MEIS2: variants seen among roughly 807,000 people sequenced by gnomAD.
MEIS2 encodes homeobox protein Meis2.
A neutral mutation model predicts 58.6 loss-of-function variants in MEIS2; 9 were observed. That is an observed-to-expected ratio of 0.15 (90% CI 0.09 to 0.27). The LOEUF is 0.27. MEIS2 is among the 10% of genes least tolerant of loss of function. The pLI is 1.00. For synonymous variants in MEIS2, 221 were observed against 228.4 expected (o/e 0.97, Z 0.29); for missense variants, 427 against 635.0 (o/e 0.67, Z 3.52).
intron 9 of MEIS2, chr15:36,897,568 G>C (rs1009814389): frequency 6.6e-6 from 1 of 152,126 alleles, no homozygotes; most frequent in African/African-American, 2.4e-5. Context: ...TACAAACAGA[G>C]TAAGATGATA....
intron 9 of MEIS2, among the ~76,000 whole-genome samples, chr15:36,912,049 C>T (rs1474018789): frequency 7.6e-6 from 1 of 131,212 alleles, no homozygotes; most frequent in Non-Finnish European, 1.8e-5. Context: ...CTATATAAGC[C>T]CTAGGGGGGA....
intron 4 of MEIS2, 131 bp from the exon 5 acceptor site, chr15:37,094,708 A>C (rs1423636098): frequency 1.5e-6 from 1 of 654,278 alleles, no homozygotes; most frequent in Non-Finnish European, 2.7e-6. Context: ...TGGCCAGGAA[A>C]AACTTAAACA....
At chr15:36,983,810 T>A (rs1171160787) in intron 8 of MEIS2, among the ~76,000 whole-genome samples, 1 of 152,120 alleles carries the variant, frequency 6.6e-6, no homozygotes, top group Non-Finnish European at 1.5e-5. Flanking sequence ...TGTGATTTTG[T>A]CAACTTCTTT....
intron 8 of MEIS2, among the ~76,000 whole-genome samples, chr15:37,016,793 A>C (rs1484428947): frequency 2.6e-4 from 39 of 152,214 alleles, no homozygotes; most frequent in Admixed American, 2.6e-3. Context: ...GGTGTCCCCC[A>C]AAATAACTAG....
chr15:36,989,145 T>C lies in MEIS2; in HGVS notation c.901-38745A>G, dbSNP rs181250321. On this transcript the variant is annotated intron_variant, in intron 8 of 11. Transcript: ENST00000561208. The stretch of plus-strand genomic sequence containing the variant: ...ACATTTCCTTCATTTGCTGACTCAT[T>C]AACCATCAGAAAACATGCTAAACAC... Among the ~76,000 whole-genome samples the C allele has an allele frequency of 1.1e-4, 16 of 152,322 alleles. No individual in the cohort carries two copies. The East Asian group carries it at 3.1e-3, about 29-fold the overall frequency.
At chr15:37,095,115 C>A (rs1426127156) in intron 4 of MEIS2, 1 of 182,824 alleles carries the variant, frequency 5.5e-6, no homozygotes, top group African/African-American at 2.3e-5. Context: ...TGCAAATTAG[C>A]AAAAGAATCG....
intron 10 of MEIS2, among the ~76,000 whole-genome samples, chr15:36,896,424 T>C (rs1312363298): frequency 3.3e-5 from 5 of 152,036 alleles, no homozygotes; most frequent in Admixed American, 3.3e-4. Flanking sequence ...TAAAAAGCAG[T>C]GTCAGTAGAG....
At chr15:36,911,898 G>A (rs75035787) in intron 9 of MEIS2, among the ~76,000 whole-genome samples, 8,850 of 152,290 alleles carry the variant, frequency 0.058, 311 homozygotes, top group South Asian at 0.13. Context: ...TTCTTAAAAT[G>A]ATGGGGGTGA....
At chr15:36,902,494 G>T (rs1190886556) in intron 9 of MEIS2, among the ~76,000 whole-genome samples, 3 of 152,204 alleles carry the variant, frequency 2.0e-5, no homozygotes, top group Non-Finnish European at 1.5e-5. Flanking sequence ...CTTTACATGT[G>T]TGCCATGGAC....
chr15:37,023,600 T>C (rs146334213), intron 8 of MEIS2, among the ~76,000 whole-genome samples: 75 of 152,330 alleles, frequency 4.9e-4, no homozygotes, highest in African/African-American at 1.6e-3. Context: ...CCTCCCCTTG[T>C]TGATCTCACC....
At chr15:36,894,842 C>T (rs1330739355) in intron 11 of MEIS2, 2 of 1,528,802 alleles carry the variant, frequency 1.3e-6, no homozygotes, top group Admixed American at 3.3e-5. Context: ...CAAGAAGAGG[C>T]CGGAAAATCA....
At chr15:36,912,396 T>C (rs1010329139) in intron 9 of MEIS2, among the ~76,000 whole-genome samples, 2 of 152,254 alleles carry the variant, frequency 1.3e-5, no homozygotes, top group African/African-American at 4.8e-5. Context: ...AGAGCCGTAA[T>C]GAGCTGCCTT....
At chr15:36,953,087 T>C (rs1042140809) in intron 8 of MEIS2, among the ~76,000 whole-genome samples, 1 of 152,146 alleles carries the variant, frequency 6.6e-6, no homozygotes, top group Non-Finnish European at 1.5e-5. Flanking sequence ...ACTGTTTACC[T>C]CAAAGTGCTC....
At chr15:37,053,940 C>G (rs1322785502) in intron 7 of MEIS2, among the ~76,000 whole-genome samples, 2 of 152,136 alleles carry the variant, frequency 1.3e-5, no homozygotes, top group African/African-American at 4.8e-5. Context: ...TAATTCTTTT[C>G]AATTATTGAT....
intron 8 of MEIS2, among the ~76,000 whole-genome samples, chr15:36,972,421 A>G (rs2059600570): frequency 6.6e-6 from 1 of 152,082 alleles, no homozygotes; most frequent in Non-Finnish European, 1.5e-5. Context: ...CATTATTTTC[A>G]GGCTGAAGAC....
intron 8 of MEIS2, among the ~76,000 whole-genome samples, chr15:37,021,087 C>A (rs1474675993): frequency 6.6e-6 from 1 of 152,158 alleles, no homozygotes; most frequent in African/African-American, 2.4e-5. Flanking sequence ...GCCTCCAGAA[C>A]TGTGAGAAAA....
At chr15:36,908,597 A>G (rs887891140) in intron 9 of MEIS2, among the ~76,000 whole-genome samples, 1 of 152,232 alleles carries the variant, frequency 6.6e-6, no homozygotes, top group African/African-American at 2.4e-5. Context: ...TTTTAGAAAT[A>G]GAAATGATGG....
intron 6 of MEIS2, among the ~76,000 whole-genome samples, chr15:37,088,455 C>CA (rs1379551483): frequency 2.0e-5 from 3 of 152,108 alleles, no homozygotes; most frequent in East Asian, 1.9e-4. Flanking sequence ...TAACATTATG[C>CA]AAAAAATATT....
chr15:37,017,427 G>C (rs2061385927), intron 8 of MEIS2, among the ~76,000 whole-genome samples: 1 of 152,052 alleles, frequency 6.6e-6, no homozygotes, highest in South Asian at 2.1e-4. Context: ...AACACAGCAA[G>C]ACCCTGTCTC....
Sources: gnomAD v4.1 joint callset for allele counts (sites outside exome capture counted in the v4.1 genomes callset) on GRCh38, gnomAD v4.1.1 for gene constraint, MANE v1.5 for transcripts, NCBI Gene and HGNC (gene_info 2026-07-23, HGNC 2026-07-21) for gene names.